ADGB: variants seen among roughly 807,000 people sequenced by gnomAD.
The protein encoded by ADGB is calpain-7-like protein.
Under a neutral mutation model 210.5 loss-of-function variants are expected in ADGB, and 172 were observed. The ratio of observed to expected loss-of-function variants is 0.82; its 90% confidence interval spans 0.72 to 0.93. The LOEUF (loss-of-function observed/expected upper bound fraction) is 0.93. Among genes scored for constraint, ADGB ranks in the 40% least tolerant of loss-of-function variants. The pLI, the probability that ADGB is intolerant of heterozygous loss-of-function variation, is 0.00. For synonymous variants in ADGB, 658 were observed against 662.7 expected, an observed-to-expected ratio of 0.99 and a Z score of 0.11; for missense variants, 2,025 against 1,964.8, an observed-to-expected ratio of 1.03 and a Z score of -0.58.
chr6:146,631,674 A>G (rs967398476), intron 1 of ADGB, among the ~76,000 whole-genome samples: 30 of 152,254 alleles, frequency 2.0e-4, no homozygotes, highest in African/African-American at 3.1e-4. Flanking sequence ...CAAAAAATCC[A>G]ATGTTCCTAC....
At chr6:146,772,244 T>C (rs1777661616) in intron 29 of ADGB, among the ~76,000 whole-genome samples, 1 of 151,938 alleles carries the variant, frequency 6.6e-6, no homozygotes, top group Non-Finnish European at 1.5e-5. Context: ...TGTGCAATCA[T>C]GAAGAGGTAT....
rs79181280 is a variant in ADGB at position 146,665,492 on chromosome 6, A to G, written c.752+1152A>G. ...CCGGTGGCATGTTCATTTATTTGGGAAAAAAAAATGTTCTGAATGTTTCTA... is the reference window on the plus strand; with the variant it reads ...CCGGTGGCATGTTCATTTATTTGGGGAAAAAAAATGTTCTGAATGTTTCTA... On this transcript the variant is annotated intron_variant, in intron 6 of 35. Transcript: ENST00000397944. Among the ~76,000 whole-genome samples, 99 of 151,416 alleles carry G rather than the reference A, an allele frequency of 6.5e-4. 1 individual carries two copies. In the East Asian group the frequency reaches 0.017, roughly 27 times the overall value.
At chr6:146,676,224 G>A in intron 8 of ADGB, 89 bp from the exon 9 acceptor site, 1 of 1,180,034 alleles carries the variant, frequency 8.5e-7, no homozygotes, top group Non-Finnish European at 1.1e-6. Context: ...TATTATTTTG[G>A]CCTTTTTTCT....
chr6:146,653,356 C>T (rs963009264), intron 3 of ADGB, among the ~76,000 whole-genome samples: 2 of 152,078 alleles, frequency 1.3e-5, no homozygotes, highest in Non-Finnish European at 2.9e-5. Context: ...CCCCCAACTC[C>T]TTGGTTCGTG....
At chr6:146,770,329 G>A (rs1440657946) in intron 29 of ADGB, 2 of 205,718 alleles carry the variant, frequency 9.7e-6, no homozygotes, top group African/African-American at 4.7e-5. Context: ...AGAAGGTATA[G>A]ATTCTAGTAT....
At chr6:146,780,256 G>C (rs939739871) in intron 29 of ADGB, among the ~76,000 whole-genome samples, 11 of 151,062 alleles carry the variant, frequency 7.3e-5, no homozygotes, top group African/African-American at 2.7e-4. Flanking sequence ...AAAAAACAAG[G>C]GAATTAAAAA....
intron 13 of ADGB, among the ~76,000 whole-genome samples, chr6:146,712,615 A>C (rs1181156754): frequency 6.6e-6 from 1 of 151,168 alleles, no homozygotes; most frequent in Non-Finnish European, 1.5e-5. Flanking sequence ...TTCCTCAATA[A>C]TTTTCTCTTC....
intron 33 of ADGB, among the ~76,000 whole-genome samples, chr6:146,798,503 A>G (rs771983055): frequency 2.0e-5 from 3 of 152,188 alleles, no homozygotes; most frequent in Non-Finnish European, 4.4e-5. Context: ...ATTTTAGCCT[A>G]AGGTCAAGAA....
At chr6:146,711,230 AC>A (rs2114557689) in intron 13 of ADGB, among the ~76,000 whole-genome samples, 1 of 152,358 alleles carries the variant, frequency 6.6e-6, no homozygotes, top group African/African-American at 2.4e-5. Context: ...AAATTACTGC[AC>A]TTTTTCCTTT....
chr6:146,661,618 G>T (rs1775860560), intron 5 of ADGB, among the ~76,000 whole-genome samples: 1 of 151,936 alleles, frequency 6.6e-6, no homozygotes, highest in East Asian at 1.9e-4. Context: ...TTGAAGACAA[G>T]AGTACCACAT....
At chr6:146,646,307 T>C (rs571404840) in intron 3 of ADGB, among the ~76,000 whole-genome samples, 25 of 152,216 alleles carry the variant, frequency 1.6e-4, no homozygotes, top group African/African-American at 5.8e-4. Context: ...CAGGCCATCA[T>C]GTTCTTTGGT....
At chr6:146,803,430 C>T (rs1471007764) in intron 35 of ADGB, 32 of 1,608,758 alleles carry the variant, frequency 2.0e-5, no homozygotes, top group Non-Finnish European at 2.7e-5. Context: ...GTCACAGCCC[C>T]CACCTTCCAG....
At chr6:146,719,288 C>A (rs969858051) in intron 16 of ADGB, among the ~76,000 whole-genome samples, 1 of 152,130 alleles carries the variant, frequency 6.6e-6, no homozygotes, top group Admixed American at 6.5e-5. Flanking sequence ...CACATAACCA[C>A]CCTAATTTAA....
chr6:146,795,293 A>G (rs188260537), intron 33 of ADGB, among the ~76,000 whole-genome samples: 17 of 152,316 alleles, frequency 1.1e-4, no homozygotes, highest in Admixed American at 9.8e-4. Flanking sequence ...AACAAAAGCA[A>G]AAATTAACAA....
chr6:146,722,051 T>A (rs568318007), intron 17 of ADGB, among the ~76,000 whole-genome samples: 26 of 152,030 alleles, frequency 1.7e-4, no homozygotes, highest in Non-Finnish European at 3.4e-4. Flanking sequence ...ACTCACTCAA[T>A]CTGTTAGTGT....
intron 7 of ADGB, among the ~76,000 whole-genome samples, chr6:146,668,123 G>A (rs1035606129): frequency 3.9e-5 from 6 of 152,026 alleles, no homozygotes; most frequent in East Asian, 1.9e-4. Flanking sequence ...TAGATGCACC[G>A]TTTTATCATT....
At chr6:146,647,398 A>G (rs1016981584) in intron 3 of ADGB, among the ~76,000 whole-genome samples, 3 of 152,082 alleles carry the variant, frequency 2.0e-5, no homozygotes, top group Non-Finnish European at 4.4e-5. Flanking sequence ...CAGAAAGCCC[A>G]TTTAGATAAC....
intron 10 of ADGB, among the ~76,000 whole-genome samples, chr6:146,686,676 C>G (rs2114917511): frequency 6.6e-6 from 1 of 152,204 alleles, no homozygotes; most frequent in East Asian, 1.9e-4. Context: ...TGAAGTCCAT[C>G]AAGTTATTAA....
At chr6:146,603,689 A>G (rs1183161357) in intron 1 of ADGB, among the ~76,000 whole-genome samples, 1 of 152,236 alleles carries the variant, frequency 6.6e-6, no homozygotes, top group Non-Finnish European at 1.5e-5. Flanking sequence ...TAAAATGAAC[A>G]TCTAAATTTT....
Sources: gnomAD v4.1 joint callset for allele counts (sites outside exome capture counted in the v4.1 genomes callset) on GRCh38, gnomAD v4.1.1 for gene constraint, MANE v1.5 for transcripts, NCBI Gene and HGNC (gene_info 2026-07-23, HGNC 2026-07-21) for gene names.